Variants in RIN2 observed in about 807,000 individuals in gnomAD.
RIN2 encodes the protein RAB5 interacting protein 2.
Under a neutral mutation model 78.0 loss-of-function variants are expected in RIN2, and 36 were observed. The ratio of observed to expected loss-of-function variants is 0.46; its 90% CI spans 0.35 to 0.61. RIN2 has a LOEUF of 0.61. Ranked by LOEUF, RIN2 falls within the 20% of genes least tolerant of loss-of-function variation. The pLI is 0.00. For missense variants in RIN2, 1,087 were observed against 1,159.7 expected, an observed-to-expected ratio of 0.94 and a Z score of 0.91; for synonymous variants, 466 against 466.8, an observed-to-expected ratio of 1.00 and a Z score of 0.02.
At chr20:19,804,039 A>G (rs1293905492) in intron 2 of RIN2, among the ~76,000 whole-genome samples, 1 of 152,174 alleles carries the variant, frequency 6.6e-6, no homozygotes, top group African/African-American at 2.4e-5. Context: ...ATTTTCCCAC[A>G]TTGATTTTGC....
chr20:19,928,936 C>A (rs570541375), intron 3 of RIN2, among the ~76,000 whole-genome samples: 1 of 152,196 alleles, frequency 6.6e-6, no homozygotes, highest in Non-Finnish European at 1.5e-5. Context: ...CCGGCAAGAC[C>A]TCCGTTGAGG....
chr20:19,805,232 G>T (rs192476309), intron 2 of RIN2, among the ~76,000 whole-genome samples: 33 of 152,260 alleles, frequency 2.2e-4, no homozygotes, highest in Middle Eastern at 3.4e-3. Context: ...AGGGAGTAGG[G>T]AGTGGCATAC....
intron 3 of RIN2, among the ~76,000 whole-genome samples, chr20:19,909,423 A>T (rs539077221): frequency 4.6e-5 from 7 of 152,260 alleles, no homozygotes; most frequent in Admixed American, 1.3e-4. Flanking sequence ...AGTGACACAG[A>T]AGTTACCTAT....
intron 4 of RIN2, among the ~76,000 whole-genome samples, 186 bp from the exon 5 acceptor site, chr20:19,956,429 G>C (rs764001198): frequency 6.6e-6 from 1 of 152,102 alleles, no homozygotes; most frequent in African/African-American, 2.4e-5. Flanking sequence ...TAGAGATAGA[G>C]GGTAAAATAA....
At chr20:19,775,128 G>A (rs188717944) in intron 1 of RIN2, among the ~76,000 whole-genome samples, 2 of 152,308 alleles carry the variant, frequency 1.3e-5, no homozygotes, top group East Asian at 3.9e-4. Flanking sequence ...TGGGAGTCTG[G>A]AGCTTGAAAG....
chr20:19,826,300 T>C (rs1282494601), intron 2 of RIN2, among the ~76,000 whole-genome samples: 1 of 152,206 alleles, frequency 6.6e-6, no homozygotes, highest in Non-Finnish European at 1.5e-5. Flanking sequence ...TCATTTATTA[T>C]ATTACACACA....
chr20:19,955,346 C>CT (rs1447634207), intron 4 of RIN2, among the ~76,000 whole-genome samples: 2 of 146,466 alleles, frequency 1.4e-5, no homozygotes, highest in African/African-American at 5.0e-5. Flanking sequence ...TTTTTTTTTT[C>CT]TTTTTTTGAG....
chr20:19,782,913 C>G (rs1418252037), intron 1 of RIN2, among the ~76,000 whole-genome samples: 1 of 152,208 alleles, frequency 6.6e-6, no homozygotes, highest in African/African-American at 2.4e-5. Flanking sequence ...TGCTGGCTGT[C>G]CAGCTCAGGC....
intron 3 of RIN2, among the ~76,000 whole-genome samples, chr20:19,895,365 C>T (rs776774797): frequency 6.6e-6 from 1 of 152,092 alleles, no homozygotes; most frequent in Non-Finnish European, 1.5e-5. Context: ...ATTGTCCGGT[C>T]GACAGTTCTA....
At chr20:19,854,587 G>A (rs1429847960) in intron 2 of RIN2, among the ~76,000 whole-genome samples, 3 of 152,126 alleles carry the variant, frequency 2.0e-5, no homozygotes, top group African/African-American at 7.2e-5. Flanking sequence ...CCTTGAAGAG[G>A]TCCTTCACAT....
chr20:19,848,455 G>C (rs962481472), intron 2 of RIN2, among the ~76,000 whole-genome samples: 6 of 147,560 alleles, frequency 4.1e-5, no homozygotes, highest in Admixed American at 1.4e-4. Context: ...AGAATCACTT[G>C]AACCAGGGAG....
chr20:19,772,111 A>G (rs2034149014), intron 1 of RIN2, among the ~76,000 whole-genome samples: 1 of 152,126 alleles, frequency 6.6e-6, no homozygotes, highest in African/African-American at 2.4e-5. Context: ...TACTGCAGCA[A>G]TTGTCCCGCT....
At position 19,805,591 on chromosome 20, in the gene RIN2, A is replaced by G. The variant is rs1292020295; in HGVS notation, c.-37+5844A>G. Among the ~76,000 whole-genome samples the G allele has an allele frequency of 2.0e-5, 3 of 152,164 alleles. No homozygotes were observed. In the East Asian group the frequency reaches 5.8e-4, roughly 29 times the overall value. ...TAATTTTTGTATTTTTAGTAGAGACAGGGTTTCGCCACGTTGGCCAGGCTG... is the reference window on the plus strand; with the variant it reads ...TAATTTTTGTATTTTTAGTAGAGACGGGGTTTCGCCACGTTGGCCAGGCTG... On this transcript the variant is annotated intron_variant, in intron 2 of 12. Coordinates refer to ENST00000255006, the MANE Select transcript of RIN2 (RefSeq NM_018993.4).
intron 2 of RIN2, chr20:19,823,892 T>G: frequency 6.2e-7 from 1 of 1,601,216 alleles, no homozygotes; most frequent in African/African-American, 1.3e-5. Flanking sequence ...TCACCTCCGG[T>G]GCACCTCAGG....
chr20:19,992,511 G>A (rs2042826632), intron 11 of RIN2, among the ~76,000 whole-genome samples: 1 of 152,136 alleles, frequency 6.6e-6, no homozygotes, highest in Admixed American at 6.5e-5. Flanking sequence ...CCATGAAGCA[G>A]TTACTTGGGT....
chr20:19,960,740 T>G lies in RIN2; in HGVS notation c.392T>G (p.Val131Gly), dbSNP rs746834973. Residue 131 changes from valine to glycine, a missense_variant, in exon 6 of 13, where the codon GTC (valine) becomes GGC (glycine). By Grantham distance (109) the Val-to-Gly change is moderately radical. Coordinates refer to ENST00000255006, the MANE Select transcript of RIN2 (RefSeq NM_018993.4). ...VHKSTKMQKK[V>G]LSLRLPCEFG... The stretch of plus-strand genomic sequence containing the variant: ...AAATCTACCAAGATGCAGAAGAAAG[T>G]CCTCTCCCTCCGCCTGCCCTGTGAA... 6.2e-7 allele frequency: 1 copy of G among 1,604,774 alleles called. No individual in the cohort carries two copies. The highest frequency in any genetic ancestry group is 1.1e-5 in the South Asian group (1 of 88,554).
intron 4 of RIN2, among the ~76,000 whole-genome samples, chr20:19,935,787 A>G (rs944410710): frequency 1.4e-5 from 2 of 140,918 alleles, no homozygotes; most frequent in Admixed American, 1.4e-4. Context: ...ACTGGTCTGT[A>G]CCTGGAGAAA....
chr20:19,762,717 C>T (rs895184768), intron 1 of RIN2, among the ~76,000 whole-genome samples: 1 of 152,054 alleles, frequency 6.6e-6, no homozygotes, highest in South Asian at 2.1e-4. Context: ...GCTGTGCGAA[C>T]AAGGGAGAAG....
At position 20,000,904 on chromosome 20, in the gene RIN2, CAG is replaced by C; in HGVS notation, c.2658_2659del (p.Asn887ArgfsTer48). The C allele has an allele frequency of 6.2e-7, 1 of 1,613,120 alleles. No homozygotes were observed. The highest frequency in any genetic ancestry group is 8.5e-7 in the Non-Finnish European group (1 of 1,179,424). ...IKNDPYGIIFQNGEEDLTTS is the reference protein window; with the variant it reads ...IKNDPYGIIFXNGEEDLTTS ...GAACGATCCTTATGGCATCATTTTC[CAG>C]AACGGGGAAGAAGACCTCACCACCT... On this transcript the variant is annotated frameshift_variant, in exon 13 of 13. Coordinates refer to ENST00000255006, the MANE Select transcript of RIN2 (RefSeq NM_018993.4). LOFTEE classifies it high-confidence loss of function.
Sources: allele counts gnomAD v4.1 joint callset (sites outside exome capture counted in the v4.1 genomes callset), GRCh38; gene constraint gnomAD v4.1.1; transcripts MANE v1.5; gene names NCBI Gene and HGNC (gene_info 2026-07-23, HGNC 2026-07-21).